PRKN: variants seen among roughly 807,000 people sequenced by gnomAD.
PRKN encodes the protein parkin RBR E3 ubiquitin protein ligase.
In PRKN, 56 loss-of-function variants were observed where a neutral mutation model predicts 59.5. The observed-to-expected ratio is 0.94, with a 90% CI of 0.76 to 1.18. PRKN has a LOEUF of 1.18. Ranked by LOEUF, PRKN falls within the 50% of genes most tolerant of loss-of-function variation. PRKN has a pLI of 0.00. For missense variants in PRKN, 657 were observed against 596.4 expected (o/e 1.10, Z -1.06); for synonymous variants, 250 against 222.1 (o/e 1.13, Z -1.12).
chr6:162,072,890 G>A (rs1001229317), intron 4 of PRKN, among the ~76,000 whole-genome samples: 15 of 152,162 alleles, frequency 9.9e-5, no homozygotes, highest in African/African-American at 2.7e-4. Flanking sequence ...TTCGATAAAC[G>A]TTAGTGGGTA....
intron 7 of PRKN, among the ~76,000 whole-genome samples, chr6:161,734,291 C>T (rs1465942317): frequency 6.6e-6 from 1 of 152,210 alleles, no homozygotes; most frequent in African/African-American, 2.4e-5. Flanking sequence ...CCACGGTATT[C>T]CATACAATGA....
intron 7 of PRKN, among the ~76,000 whole-genome samples, chr6:161,680,756 TA>T (rs1562603821): frequency 0.018 from 366 of 19,996 alleles, 39 homozygotes; most frequent in African/African-American, 0.046. Flanking sequence ...TATATATATA[TA>T]TATATATATA....
At position 161,779,435 on chromosome 6, in the gene PRKN, C is replaced by CTTTCCT. The variant is rs1234367519; in HGVS notation, c.871+6336_871+6337insAGGAAA. 8.7e-3 allele frequency among the ~76,000 whole-genome samples: 350 copies of CTTTCCT among 40,380 alleles called. 4 individuals carry two copies. Among genetic ancestry groups the CTTTCCT allele is most frequent in the Non-Finnish European group, 0.015 (294 of 20,254 alleles). The allele number at this position is 40,380 out of a possible 152,430, so 26.5% of individuals were successfully genotyped here. A position where few individuals can be genotyped will look rare whatever the true frequency, so the allele number is the denominator to read the frequency against. On this transcript the variant is annotated intron_variant, in intron 7 of 11. Coordinates refer to ENST00000366898, the MANE Select transcript of PRKN (RefSeq NM_004562.3). ...TTTCTTTTTTTTCTCTTTTTCTTTT[C>CTTTCCT]TTTTCTTTTTTTTTTTTTTTTTTTT...
At chr6:161,772,533 G>A (rs181735652) in intron 7 of PRKN, among the ~76,000 whole-genome samples, 5 of 152,314 alleles carry the variant, frequency 3.3e-5, no homozygotes, top group Non-Finnish European at 5.9e-5. Context: ...AGTTGAGGAC[G>A]TTGGATACAA....
intron 2 of PRKN, among the ~76,000 whole-genome samples, chr6:162,341,761 G>A (rs939714064): frequency 1.3e-5 from 2 of 151,964 alleles, no homozygotes; most frequent in African/African-American, 2.4e-5. Flanking sequence ...CTGTCAGGGG[G>A]TGGGGGGATG....
rs1380919729 is a variant in PRKN at position 161,475,990 on chromosome 6, T to G, written c.1083+72864A>C. On this transcript the variant is annotated intron_variant, in intron 9 of 11. Coordinates refer to ENST00000366898, the MANE Select transcript of PRKN (RefSeq NM_004562.3). This position sits in a 1 kb window ranked among gnomAD's most constrained non-coding sequence, Gnocchi z 5.3. ...TCACGAGGTCAGGAGATGGAGACCA[T>G]CCTGGTTAACACGGTGAAAGCCTGT... 6.6e-6 allele frequency among the ~76,000 whole-genome samples: 1 copy of G among 151,970 alleles called. No individual in the cohort carries two copies. Among genetic ancestry groups the G allele is most frequent in the African/African-American group, 2.4e-5 (1 of 41,388 alleles).
At chr6:162,727,410 C>T (rs969450371) in intron 1 of PRKN, 7 of 473,388 alleles carry the variant, frequency 1.5e-5, no homozygotes, top group Non-Finnish European at 2.2e-5. Context: ...CTGGCGTCCC[C>T]GTCGAGGCGG....
At position 161,440,148 on chromosome 6, in the gene PRKN, T is replaced by G. The variant is rs1583070716; in HGVS notation, c.1084-53271A>C. Among the ~76,000 whole-genome samples, 1 of 151,654 alleles carries G rather than the reference T, an allele frequency of 6.6e-6. No homozygotes were observed. The highest frequency in any genetic ancestry group is 2.4e-5 in the African/African-American group (1 of 41,260). The stretch of plus-strand genomic sequence containing the variant: ...TTTGGTATTTTTAGTAGAGACGGGG[T>G]TTCACCGTGTTAGCCAGGATGCTCT... On this transcript the variant is annotated intron_variant, in intron 9 of 11. Coordinates refer to ENST00000366898, the MANE Select transcript of PRKN (RefSeq NM_004562.3). The surrounding 1 kb of genome is among the most constrained non-coding windows in gnomAD (Gnocchi z 4.1).
intron 1 of PRKN, among the ~76,000 whole-genome samples, chr6:162,446,974 C>T (rs1008886161): frequency 2.0e-5 from 3 of 152,182 alleles, no homozygotes; most frequent in Non-Finnish European, 2.9e-5. Context: ...GGTTGTAACG[C>T]TTGCTAATTT....
At chr6:162,096,600 T>C (rs568188052) in intron 4 of PRKN, among the ~76,000 whole-genome samples, 6 of 152,096 alleles carry the variant, frequency 3.9e-5, no homozygotes, top group Non-Finnish European at 8.8e-5. Context: ...TCCCACACTG[T>C]TCCCCTGGTA....
chr6:162,280,207 C>A (rs570497032), intron 2 of PRKN, among the ~76,000 whole-genome samples: 7 of 152,088 alleles, frequency 4.6e-5, no homozygotes, highest in Non-Finnish European at 8.8e-5. Flanking sequence ...TTTGTTCCTG[C>A]ATTCATGATC....
intron 3 of PRKN, among the ~76,000 whole-genome samples, chr6:162,227,561 G>A (rs1778237271): frequency 6.6e-6 from 1 of 152,116 alleles, no homozygotes. Flanking sequence ...AAATATGTGA[G>A]TCCCAAATTA....
intron 7 of PRKN, among the ~76,000 whole-genome samples, chr6:161,720,490 T>C (rs1217298074): frequency 6.6e-6 from 1 of 151,364 alleles, no homozygotes; most frequent in Non-Finnish European, 1.5e-5. Flanking sequence ...CTGCCCCACA[T>C]TTCAGAGGGC....
At chr6:162,369,759 C>T (rs1785645009) in intron 2 of PRKN, among the ~76,000 whole-genome samples, 1 of 152,114 alleles carries the variant, frequency 6.6e-6, no homozygotes, top group South Asian at 2.1e-4. Context: ...TTTAGGTGAA[C>T]TCCCCTCTTT....
chr6:162,664,420 T>G (rs1779017799), intron 1 of PRKN, among the ~76,000 whole-genome samples: 1 of 152,202 alleles, frequency 6.6e-6, no homozygotes, highest in Non-Finnish European at 1.5e-5. Context: ...GTAATGGGAT[T>G]GCTGGGTTAA....
intron 11 of PRKN, among the ~76,000 whole-genome samples, chr6:161,350,928 AAT>A (rs1260513319): frequency 2.4e-5 from 2 of 84,964 alleles, no homozygotes; most frequent in Non-Finnish European, 1.9e-5. Context: ...TTATATTTAA[AAT>A]ATATATAAAT....
chr6:162,045,043 C>G (rs947634537), intron 5 of PRKN, among the ~76,000 whole-genome samples: 3 of 152,156 alleles, frequency 2.0e-5, no homozygotes, highest in African/African-American at 7.2e-5. Context: ...GCAGTGAATT[C>G]AATACTCGTT....
Position 162,139,960 on chromosome 6 carries a change from T to C in PRKN, c.534+61171A>G, listed in dbSNP as rs117823791. On this transcript the variant is annotated intron_variant, in intron 4 of 11. Transcript: ENST00000366898. The stretch of plus-strand genomic sequence containing the variant: ...GCTACTTAGTACAAATGTCCAAATA[T>C]AGGAAAGTCCATTATATTTTTGGAA... Among the ~76,000 whole-genome samples the C allele has an allele frequency of 1.6e-3, 239 of 152,062 alleles. 2 individuals carry two copies. Among genetic ancestry groups the C allele is most frequent in the Non-Finnish European group, 3.0e-3 (205 of 67,982 alleles).
chr6:161,730,372 G>A (rs1328019597), intron 7 of PRKN, among the ~76,000 whole-genome samples: 2 of 150,600 alleles, frequency 1.3e-5, no homozygotes, highest in Non-Finnish European at 2.9e-5. Context: ...ATTCTGATGT[G>A]TTGCATTCTT....
Sources: gnomAD v4.1 joint callset for allele counts (sites outside exome capture counted in the v4.1 genomes callset) on GRCh38, gnomAD v4.1.1 for gene constraint, Gnocchi (gnomAD v3.1) non-coding constraint, MANE v1.5 for transcripts, NCBI Gene and HGNC (gene_info 2026-07-23, HGNC 2026-07-21) for gene names.